Variants in USP40 observed in about 807,000 individuals in gnomAD.
The protein encoded by USP40 is ubiquitin carboxyl-terminal hydrolase 40.
A neutral mutation model predicts 166.2 loss-of-function variants in USP40; 143 were observed. That is an observed-to-expected ratio of 0.86 (90% CI 0.75 to 0.99). USP40 has a LOEUF of 0.99. Ranked by LOEUF, USP40 falls within the 50% of genes least tolerant of loss-of-function variation. USP40 has a pLI of 0.00. For missense variants in USP40, 1,444 were observed against 1,479.7 expected (o/e 0.98, Z 0.40); for synonymous variants, 498 against 524.0 (o/e 0.95, Z 0.68).
chr2:233,524,906 A>C (rs1291711401), intron 14 of USP40, among the ~76,000 whole-genome samples: 1 of 152,226 alleles, frequency 6.6e-6, no homozygotes, highest in Non-Finnish European at 1.5e-5. Context: ...CAAGTCTCTC[A>C]GCTTCAGTTT....
chr2:233,498,690 T>A, intron 22 of USP40, 78 bp from the exon 23 acceptor site: 2 of 1,235,924 alleles, frequency 1.6e-6, no homozygotes, highest in Non-Finnish European at 2.3e-6. Flanking sequence ...GAAGAATGTC[T>A]TGCACCCAGA....
intron 11 of USP40, among the ~76,000 whole-genome samples, chr2:233,532,133 T>C (rs2068581869): frequency 6.6e-6 from 1 of 152,198 alleles, no homozygotes; most frequent in Non-Finnish European, 1.5e-5. Flanking sequence ...GAATGGTTGC[T>C]GTTGGCAACA....
At position 233,485,614 on chromosome 2, in the gene USP40, T is replaced by C; in HGVS notation, c.3421A>G (p.Thr1141Ala). The C allele has an allele frequency of 6.2e-7, 1 of 1,613,450 alleles. No individual in the cohort carries two copies. Among genetic ancestry groups the C allele is most frequent in the Non-Finnish European group, 8.5e-7 (1 of 1,179,656 alleles). The change falls in exon 30 of 32, where the codon ACC becomes GCC. Residue 1141 changes from threonine (T) to alanine (A), a missense_variant. By Grantham distance (58) the Thr-to-Ala change is moderately conservative (BLOSUM62 0). Transcript: ENST00000678225. The part of the protein sequence containing the change: ...LPISSWNQQI[T>A]KRKKKKKQDY... ...TGTTTTTTTTTCTTTTTCCTCTTGG[T>C]TATTTGTTGGTTCTATGGGAAAATC...
At chr2:233,488,632 T>C (rs1347110356) in intron 27 of USP40, among the ~76,000 whole-genome samples, 1 of 152,216 alleles carries the variant, frequency 6.6e-6, no homozygotes, top group Non-Finnish European at 1.5e-5. Flanking sequence ...AAAGCAGCCT[T>C]GGCCAGGCAC....
At chr2:233,502,239 A>G (rs1185672520) in intron 21 of USP40, among the ~76,000 whole-genome samples, 5 of 152,186 alleles carry the variant, frequency 3.3e-5, no homozygotes. Flanking sequence ...AAAAATGTAA[A>G]GTTAAAAAGG....
In USP40 at chr2:233,565,419, G is replaced by C. The variant is rs890376172; in HGVS notation, c.136C>G (p.Gln46Glu). Reference sequence around the variant, plus strand: ...GAATTGAGGTAACAGGTTCCACCCTGATTTCTGATTCCGCTTAAATTGGTG... The same window carrying C: ...GAATTGAGGTAACAGGTTCCACCCTCATTTCTGATTCCGCTTAAATTGGTG... ...EFTNLSGIRN[Q>E]GGTCYLNSLL... is the part of the protein sequence containing the mutation. Residue 46 changes from glutamine (Q) to glutamate (E), a missense_variant, in exon 2 of 32, where the codon CAG becomes GAG. Transcript: ENST00000678225. 5.2e-6 allele frequency: 8 copies of C among 1,537,320 alleles called. 1 individual carries two copies. In the South Asian group the frequency reaches 9.5e-5, roughly 18 times the overall value.
chr2:233,549,100 C>G lies in USP40; in HGVS notation c.966+1G>C. The stretch of plus-strand genomic sequence containing the variant: ...ATTTCTAAACGAATTTCTATACGTA[C>G]TTGAAACTGCCAGTTTCCCAAATGA... On this transcript the variant is annotated splice_donor_variant, in intron 8 of 31. Coordinates refer to ENST00000678225, the MANE Select transcript of USP40 (RefSeq NM_001365479.2). LOFTEE classifies it high-confidence loss of function. The G allele has an allele frequency of 6.3e-7, 1 of 1,592,744 alleles. No individual in the cohort carries two copies. Among genetic ancestry groups the G allele is most frequent in the Non-Finnish European group, 8.5e-7 (1 of 1,171,434 alleles).
intron 11 of USP40, among the ~76,000 whole-genome samples, chr2:233,531,462 C>T (rs937122820): frequency 6.6e-5 from 10 of 152,166 alleles, no homozygotes; most frequent in Admixed American, 4.6e-4. Flanking sequence ...CTGTCATTTA[C>T]ATATTCCAAT....
chr2:233,489,552 A>G (rs1291171814), intron 26 of USP40, 69 bp from the exon 27 acceptor site: 25 of 1,290,824 alleles, frequency 1.9e-5, no homozygotes, highest in Non-Finnish European at 2.5e-5. Flanking sequence ...TGTTTTAGAA[A>G]AAAAAAATGA....
intron 2 of USP40, among the ~76,000 whole-genome samples, chr2:233,564,023 T>C (rs1397770988): frequency 6.6e-6 from 1 of 152,232 alleles, no homozygotes; most frequent in Admixed American, 6.5e-5. Flanking sequence ...AATGTACTTA[T>C]TAGTGCTGGC....
chr2:233,496,469 T>C (rs1234787155), intron 24 of USP40, among the ~76,000 whole-genome samples: 1 of 152,242 alleles, frequency 6.6e-6, no homozygotes, highest in African/African-American at 2.4e-5. Flanking sequence ...TCAATTAAAT[T>C]AGTAAAACAT....
rs758428556 is a variant in USP40, at chr2:233,566,692, GC to G, written c.-29del. ...GCGCCAGCCGCACTTACTGCCTAAA[GC>G]CCAGACCCCCGCCCTGGCCAAAACG... On this transcript the variant is annotated 5_prime_UTR_variant, in exon 1 of 32. The change abolishes the stop of an existing upstream ORF in the 5' untranslated region. Coordinates refer to ENST00000678225, the MANE Select transcript of USP40 (RefSeq NM_001365479.2). 17 of 986,142 alleles carry G rather than the reference GC, an allele frequency of 1.7e-5. No homozygotes were observed. Among genetic ancestry groups the G allele is most frequent in the Non-Finnish European group, 1.9e-5 (16 of 830,128 alleles). 61.1% of individuals were successfully genotyped at this position (986,142 alleles called of 1,614,324 possible). A position where few individuals can be genotyped will look rare whatever the true frequency, so the allele number is the denominator to read the frequency against.
chr2:233,540,318 A>G (rs1389202640), intron 10 of USP40, among the ~76,000 whole-genome samples: 1 of 152,184 alleles, frequency 6.6e-6, no homozygotes, highest in Non-Finnish European at 1.5e-5. Context: ...GATACCATAG[A>G]TAAAAAGGCA....
At position 233,498,662 on chromosome 2, in the gene USP40, C is replaced by T. The variant is rs765651884; in HGVS notation, c.2651-50G>A. 2.5e-5 allele frequency: 37 copies of T among 1,486,382 alleles called. 1 individual carries two copies. The highest frequency in any genetic ancestry group is 1.9e-4 in the African/African-American group (14 of 72,080). 92.1% of individuals were successfully genotyped at this position (1,486,382 alleles called of 1,614,324 possible). A position where few individuals can be genotyped will look rare whatever the true frequency, so the allele number is the denominator to read the frequency against. On this transcript the variant is annotated intron_variant, in intron 22 of 31. Transcript: ENST00000678225. ...AAAAAAAATTCAAAGTTAGGTGAGA[C>T]GTTGCGTGTAACTTCTAGAAGAATG...
intron 12 of USP40, among the ~76,000 whole-genome samples, chr2:233,529,089 T>C (rs1424383559): frequency 4.6e-5 from 7 of 152,364 alleles, no homozygotes; most frequent in Non-Finnish European, 5.9e-5. Flanking sequence ...GTGATTTTCA[T>C]GGCAGGCTCT....
rs1294788727 is a variant in USP40 at position 233,485,595 on chromosome 2, T to G, written c.3440A>C (p.Lys1147Thr). 3 of 1,613,826 alleles carry G rather than the reference T, an allele frequency of 1.9e-6. No homozygotes were observed. The highest frequency in any genetic ancestry group is 2.5e-6 in the Non-Finnish European group (3 of 1,179,864). ...NQQITKRKKK[K>T]KQDYLQGAPY... is the part of the protein sequence containing the mutation. ...TGCCCCTTGCAAATAATCTTGTTTT[T>G]TTTTCTTTTTCCTCTTGGTTATTTG... The change falls in exon 30 of 32, where the codon AAA becomes ACA. Residue 1147 changes from lysine (K) to threonine (T), a missense_variant. Lys to Thr is a moderately conservative substitution (Grantham distance 78). Coordinates refer to ENST00000678225, the MANE Select transcript of USP40 (RefSeq NM_001365479.2).
chr2:233,517,400 T>TTTTTTTTTTTTTC, intron 18 of USP40, among the ~76,000 whole-genome samples: 1 of 150,020 alleles, frequency 6.7e-6, no homozygotes, highest in Non-Finnish European at 1.5e-5. Context: ...TTTTTTTTTT[T>TTTTTTTTTTTTTC]TTGAGACGGA....
rs1482426152 is a variant in USP40 at position 233,542,308 on chromosome 2, A to G, written c.1022T>C (p.Ile341Thr). ...NLKDLQSEEE[I>T]DHPLMILKAI... is the part of the protein sequence containing the mutation. Reference sequence around the variant, plus strand: ...TTTTAGAATCATCAGTGGATGATCAATCTCTTCTTCACTCTGGAGATCTTT... The same window carrying G: ...TTTTAGAATCATCAGTGGATGATCAGTCTCTTCTTCACTCTGGAGATCTTT... The change falls in exon 9 of 32, where the codon ATT (isoleucine) becomes ACT (threonine). Residue 341 changes from isoleucine to threonine, a missense_variant. By Grantham distance (89) the Ile-to-Thr change is moderately conservative. Coordinates refer to ENST00000678225, the MANE Select transcript of USP40 (RefSeq NM_001365479.2). The G allele has an allele frequency of 1.9e-6, 3 of 1,561,062 alleles. No homozygotes were observed. The highest frequency in any genetic ancestry group is 2.6e-6 in the Non-Finnish European group (3 of 1,153,468).
rs1367681805 is a variant in USP40 at position 233,565,551 on chromosome 2, A to C, written c.4T>G (p.Phe2Val). 3 of 1,536,692 alleles carry C rather than the reference A, an allele frequency of 2.0e-6. No individual in the cohort carries two copies. Among genetic ancestry groups the C allele is most frequent in the Non-Finnish European group, 2.6e-6 (3 of 1,146,736 alleles). The change falls in exon 2 of 32, where the codon TTT becomes GTT. Residue 2 changes from phenylalanine to valine, a missense_variant. Transcript: ENST00000678225. The stretch of plus-strand genomic sequence containing the variant: ...TACTCCTCTTCAAACAGGTCCCCAA[A>C]CATTGTGAAACTAAATACTACCCTT... M[F>V]GDLFEEEYST...
Sources: allele counts gnomAD v4.1 joint callset (sites outside exome capture counted in the v4.1 genomes callset), GRCh38; gene constraint gnomAD v4.1.1; transcripts MANE v1.5; gene names NCBI Gene and HGNC (gene_info 2026-07-23, HGNC 2026-07-21).